Variants in TRPM3 observed in about 807,000 individuals in gnomAD.
The protein encoded by TRPM3 is transient receptor potential cation channel subfamily M member 3.
In TRPM3, 77 loss-of-function variants were observed where a neutral mutation model predicts 181.2. The ratio of observed to expected loss-of-function variants is 0.42; its 90% CI spans 0.35 to 0.51. The LOEUF (loss-of-function observed/expected upper bound fraction) is 0.51. Among genes scored for constraint, TRPM3 ranks in the 20% least tolerant of loss-of-function variants. TRPM3 has a pLI of 0.01. For synonymous variants in TRPM3, 745 were observed against 796.4 expected, an observed-to-expected ratio of 0.94 and a Z score of 1.09; for missense variants, 1,759 against 2,196.7, an observed-to-expected ratio of 0.80 and a Z score of 3.98.
Position 71,351,016 on chromosome 9 carries a change from G to T in TRPM3, c.183+95637C>A, listed in dbSNP as rs960183440. On this transcript the variant is annotated intron_variant, in intron 1 of 24. Coordinates refer to the TRPM3 transcript ENST00000357533. ...AATGACTAAAAACAAAGGCCTTTTT[G>T]ATTTGGAATCCAAGACTGAAAAGGC... Among the ~76,000 whole-genome samples the T allele has an allele frequency of 1.6e-4, 25 of 152,240 alleles. No individual in the cohort carries two copies. In the East Asian group the frequency reaches 4.6e-3, roughly 28 times the overall value.
chr9:70,842,877 T>G, intron 5 of TRPM3, 126 bp downstream of exon 5: 1 of 891,818 alleles, frequency 1.1e-6, no homozygotes, highest in Non-Finnish European at 1.6e-6. Flanking sequence ...CCTTAACATG[T>G]TTCATTTTAG....
intron 3 of TRPM3, among the ~76,000 whole-genome samples, chr9:70,850,729 C>A (rs1336397110): frequency 6.6e-6 from 1 of 152,162 alleles, no homozygotes; most frequent in East Asian, 1.9e-4. Flanking sequence ...TTCATTTTGA[C>A]TAATTCCAGA....
chr9:71,129,653 C>T (rs1387962092), intron 1 of TRPM3, among the ~76,000 whole-genome samples: 1 of 152,110 alleles, frequency 6.6e-6, no homozygotes, highest in African/African-American at 2.4e-5. Flanking sequence ...CATGCTTTTA[C>T]CCATTACAAT....
intron 1 of TRPM3, among the ~76,000 whole-genome samples, chr9:70,984,323 T>G (rs992957572): frequency 6.6e-6 from 1 of 152,212 alleles, no homozygotes; most frequent in South Asian, 2.1e-4. Flanking sequence ...AAATTTAAAT[T>G]AACAGAAGTT....
At chr9:70,745,620 A>AT (rs1450863859) in intron 8 of TRPM3, among the ~76,000 whole-genome samples, 1 of 152,164 alleles carries the variant, frequency 6.6e-6, no homozygotes, top group Non-Finnish European at 1.5e-5. Context: ...AACTTGATGC[A>AT]TGACTCTATG....
At chr9:71,243,640 A>G (rs7873142) in intron 1 of TRPM3, among the ~76,000 whole-genome samples, 106,418 of 151,734 alleles carry the variant, frequency 0.7, 37,561 homozygotes, top group African/African-American at 0.77. Context: ...ACAAATGAAT[A>G]GAAGAATAAA....
chr9:70,821,399 T>A (rs919810808), intron 6 of TRPM3, among the ~76,000 whole-genome samples: 17 of 152,188 alleles, frequency 1.1e-4, no homozygotes, highest in Non-Finnish European at 4.4e-5. Flanking sequence ...TAATAACATT[T>A]TTTAATAATA....
At position 71,136,935 on chromosome 9, in the gene TRPM3, TG is replaced by T. The variant is rs1334045014; in HGVS notation, c.184-272425del. Among the ~76,000 whole-genome samples, 4 of 152,206 alleles carry T rather than the reference TG, an allele frequency of 2.6e-5. No individual in the cohort carries two copies. The East Asian group carries it at 7.7e-4, about 29-fold the overall frequency. The stretch of plus-strand genomic sequence containing the variant: ...GTTTAAACCGTATCATTAAAGCGGA[TG>T]GAGTGAGGGTGGGGGAGTCATTGAG... On this transcript the variant is annotated intron_variant, in intron 1 of 24. Transcript: ENST00000357533.
chr9:70,581,582 A>G (rs1423031326), intron 22 of TRPM3, among the ~76,000 whole-genome samples: 1 of 152,204 alleles, frequency 6.6e-6, no homozygotes, highest in Non-Finnish European at 1.5e-5. Context: ...AGATCAGTCT[A>G]TTTGTTGGTT....
At chr9:71,224,594 T>C (rs547209000) in intron 1 of TRPM3, among the ~76,000 whole-genome samples, 1 of 152,178 alleles carries the variant, frequency 6.6e-6, no homozygotes, top group African/African-American at 2.4e-5. Context: ...GAAAGAAATA[T>C]GAGACCTTTC....
chr9:70,959,307 C>T (rs974497300), intron 1 of TRPM3, among the ~76,000 whole-genome samples: 1 of 151,754 alleles, frequency 6.6e-6, no homozygotes, highest in African/African-American at 2.4e-5. Flanking sequence ...TACAATAATA[C>T]AACAATAAAC....
chr9:70,576,154 C>A (rs1034235265), intron 22 of TRPM3, among the ~76,000 whole-genome samples: 2 of 152,152 alleles, frequency 1.3e-5, no homozygotes, highest in Non-Finnish European at 2.9e-5. Context: ...TCATGGATAT[C>A]TAATTTATCC....
At chr9:71,332,376 G>GCGCGCGCGTGTGT (rs2090261288) in intron 1 of TRPM3, among the ~76,000 whole-genome samples, 1 of 142,246 alleles carries the variant, frequency 7.0e-6, no homozygotes, top group Non-Finnish European at 1.6e-5. Context: ...TTCAATGTTG[G>GCGCGCGCGTGTGT]GTGTGTGTGT....
At position 71,012,415 on chromosome 9, in the gene TRPM3, T is replaced by C; in HGVS notation, c.177+108763A>G. 1.3e-5 allele frequency among the ~76,000 whole-genome samples: 2 copies of C among 151,906 alleles called. 1 individual carries two copies. Among genetic ancestry groups the C allele is most frequent in the Non-Finnish European group, 2.9e-5 (2 of 67,928 alleles). On this transcript the variant is annotated intron_variant, in intron 1 of 25. Coordinates refer to ENST00000677713, the MANE Select transcript of TRPM3 (RefSeq NM_001366145.2). Reference sequence around the variant, plus strand: ...ATAGGAGCTTTATAGTTGTTTTTTTTTTTTAACATCTGGCAGAGTTAACCT... The same window carrying C: ...ATAGGAGCTTTATAGTTGTTTTTTTCTTTTAACATCTGGCAGAGTTAACCT...
intron 1 of TRPM3, among the ~76,000 whole-genome samples, chr9:71,141,226 G>A (rs542968283): frequency 9.9e-5 from 15 of 152,196 alleles, no homozygotes; most frequent in East Asian, 3.9e-4. Context: ...CTAAGACTGC[G>A]TAACTTAATT....
chr9:70,557,350 T>C (rs2047966246), intron 22 of TRPM3, among the ~76,000 whole-genome samples: 1 of 152,212 alleles, frequency 6.6e-6, no homozygotes, highest in South Asian at 2.1e-4. Context: ...ACCATGATGA[T>C]GATGGTAAAA....
At chr9:71,315,125 C>A (rs1466176140) in intron 1 of TRPM3, among the ~76,000 whole-genome samples, 2 of 151,994 alleles carry the variant, frequency 1.3e-5, no homozygotes, top group African/African-American at 2.4e-5. Context: ...GCACTGATAC[C>A]CTTTTCTGCC....
chr9:71,095,801 GAGAA>G (rs1184074977), intron 1 of TRPM3, among the ~76,000 whole-genome samples: 1 of 149,086 alleles, frequency 6.7e-6, no homozygotes, highest in Non-Finnish European at 1.5e-5. Context: ...AGAAAAAAGA[GAGAA>G]AGAGAGAGAG....
intron 25 of TRPM3, among the ~76,000 whole-genome samples, chr9:70,539,568 C>T (rs569932848): frequency 6.6e-6 from 1 of 151,876 alleles, no homozygotes; most frequent in East Asian, 1.9e-4. Context: ...CAGGTGTATT[C>T]CCAGAAGACT....
Sources: gnomAD v4.1 joint callset for allele counts (sites outside exome capture counted in the v4.1 genomes callset) on GRCh38, gnomAD v4.1.1 for gene constraint, MANE v1.5 for transcripts, NCBI Gene and HGNC (gene_info 2026-07-23, HGNC 2026-07-21) for gene names.